Variants in TMEM132B observed in about 807,000 individuals in gnomAD.
TMEM132B encodes transmembrane protein 132B.
Under a neutral mutation model 90.8 loss-of-function variants are expected in TMEM132B, and 18 were observed. The observed-to-expected ratio is 0.20, with a 90% confidence interval of 0.14 to 0.29. The LOEUF is 0.29. Among genes scored for constraint, TMEM132B ranks in the 10% least tolerant of loss-of-function variants. The pLI is 1.00. For synonymous variants in TMEM132B, 504 were observed against 523.3 expected (o/e 0.96, Z 0.50); for missense variants, 1,096 against 1,326.8 (o/e 0.83, Z 2.70).
intron 2 of TMEM132B, among the ~76,000 whole-genome samples, chr12:125,384,698 T>C (rs1329554634): frequency 6.6e-6 from 1 of 152,224 alleles, no homozygotes; most frequent in Non-Finnish European, 1.5e-5. Context: ...TCGCTCAGGC[T>C]GGAGTGCGGC....
chr12:125,641,444 C>G (rs1293501664), intron 5 of TMEM132B, among the ~76,000 whole-genome samples: 1 of 152,106 alleles, frequency 6.6e-6, no homozygotes, highest in African/African-American at 2.4e-5. Context: ...TTAGATACCT[C>G]AAGTCTTAGT....
chr12:125,570,201 A>G (rs978569022), intron 4 of TMEM132B, among the ~76,000 whole-genome samples: 1 of 152,168 alleles, frequency 6.6e-6, no homozygotes, highest in Non-Finnish European at 1.5e-5. Context: ...TTGAGTTTCC[A>G]TTTCTTGTAG....
rs567224211 is a variant in TMEM132B, at chr12:125,408,380, C to T, written c.960-7151C>T. On this transcript the variant is annotated intron_variant, in intron 2 of 8. Transcript: ENST00000682704. This position sits in a 1 kb window ranked among gnomAD's most constrained non-coding sequence, Gnocchi z 5.9. ...GGCCTTTTGGGAGATTAGGTCATCT[C>T]CCTAAAGGAATGGGATTAATGCCCT... is the stretch of plus-strand genomic sequence containing the variant. Among the ~76,000 whole-genome samples, 5 of 152,208 alleles carry T rather than the reference C, an allele frequency of 3.3e-5. No individual in the cohort carries two copies. The East Asian group carries it at 9.7e-4, about 29-fold the overall frequency.
At chr12:125,630,078 A>C (rs1390060884) in intron 5 of TMEM132B, among the ~76,000 whole-genome samples, 1 of 152,100 alleles carries the variant, frequency 6.6e-6, no homozygotes, top group African/African-American at 2.4e-5. Context: ...AGTATGCACC[A>C]GAGGTATTGG....
At chr12:125,402,098 A>G (rs1879336698) in intron 2 of TMEM132B, among the ~76,000 whole-genome samples, 1 of 152,184 alleles carries the variant, frequency 6.6e-6, no homozygotes, top group Non-Finnish European at 1.5e-5. Flanking sequence ...GAGCTTCACG[A>G]TACTCGGCTA....
chr12:125,631,599 A>G (rs1886369767), intron 5 of TMEM132B, among the ~76,000 whole-genome samples: 1 of 152,130 alleles, frequency 6.6e-6, no homozygotes, highest in African/African-American at 2.4e-5. Context: ...TGAAGTGTCC[A>G]GCTATTATTG....
intron 5 of TMEM132B, among the ~76,000 whole-genome samples, chr12:125,615,426 T>G (rs765153786): frequency 6.6e-6 from 1 of 152,112 alleles, no homozygotes; most frequent in Non-Finnish European, 1.5e-5. Flanking sequence ...CTTTGTTCCT[T>G]GGATTGCATA....
intron 2 of TMEM132B, among the ~76,000 whole-genome samples, chr12:125,361,788 C>A (rs1877967103): frequency 6.6e-6 from 1 of 152,192 alleles, no homozygotes; most frequent in Admixed American, 6.5e-5. Context: ...TTTTCTCTCC[C>A]AATTGCATTG....
At chr12:125,642,400 A>G (rs563367374) in intron 5 of TMEM132B, among the ~76,000 whole-genome samples, 1 of 152,354 alleles carries the variant, frequency 6.6e-6, no homozygotes, top group East Asian at 1.9e-4. Context: ...TTTATAAAAT[A>G]AAGCAAAGAG....
intron 1 of TMEM132B, among the ~76,000 whole-genome samples, chr12:125,226,800 C>T (rs1212150479): frequency 2.0e-5 from 3 of 152,128 alleles, no homozygotes; most frequent in Admixed American, 2.0e-4. Flanking sequence ...TATGCCGGCA[C>T]TGGGGGGAAA....
chr12:125,296,648 C>T (rs978041357), intron 1 of TMEM132B, among the ~76,000 whole-genome samples: 5 of 152,218 alleles, frequency 3.3e-5, no homozygotes, highest in African/African-American at 9.6e-5. Context: ...GCTTCTCTGC[C>T]GTATCTCAAA....
At chr12:125,622,389 A>G in intron 5 of TMEM132B, 4 of 796,560 alleles carry the variant, frequency 5.0e-6, no homozygotes, top group Non-Finnish European at 6.1e-6. Flanking sequence ...AGTCTTTTAA[A>G]GTAAGAATCA....
chr12:125,241,923 G>A (rs77497684), intron 1 of TMEM132B, among the ~76,000 whole-genome samples: 139 of 152,248 alleles, frequency 9.1e-4, no homozygotes, highest in African/African-American at 3.3e-3. Flanking sequence ...AAATGAAATC[G>A]GACTAGAAGG....
At chr12:125,466,032 C>A (rs971686366) in intron 3 of TMEM132B, among the ~76,000 whole-genome samples, 7 of 152,196 alleles carry the variant, frequency 4.6e-5, no homozygotes, top group African/African-American at 1.7e-4. Context: ...ATAAATTACC[C>A]AGTCTCAGGT....
At chr12:125,287,709 A>G (rs1046848779) in intron 1 of TMEM132B, among the ~76,000 whole-genome samples, 2 of 152,224 alleles carry the variant, frequency 1.3e-5, no homozygotes, top group African/African-American at 4.8e-5. Flanking sequence ...TTACAGTTCT[A>G]GAGGATCGCT....
At chr12:125,303,378 C>T (rs570390639) in intron 1 of TMEM132B, among the ~76,000 whole-genome samples, 1 of 152,182 alleles carries the variant, frequency 6.6e-6, no homozygotes, top group Non-Finnish European at 1.5e-5. Flanking sequence ...TTTGTTTATT[C>T]TTTCATCTGT....
At chr12:125,583,140 A>T (rs771337755) in intron 4 of TMEM132B, among the ~76,000 whole-genome samples, 1 of 152,212 alleles carries the variant, frequency 6.6e-6, no homozygotes, top group South Asian at 2.1e-4. Context: ...CTGAGAGAAG[A>T]TGGCTTGAGT....
At chr12:125,417,927 A>T (rs7312847) in intron 3 of TMEM132B, among the ~76,000 whole-genome samples, 13,379 of 152,198 alleles carry the variant, frequency 0.088, 612 homozygotes, top group East Asian at 0.15. Context: ...ACCAGCGCTA[A>T]TGGAAGAGCT....
At chr12:125,446,278 G>T (rs988425532) in intron 3 of TMEM132B, among the ~76,000 whole-genome samples, 1 of 152,162 alleles carries the variant, frequency 6.6e-6, no homozygotes, top group Non-Finnish European at 1.5e-5. Flanking sequence ...AATAGTAGGT[G>T]CTCAATGAAT....
Sources: gnomAD v4.1 joint callset for allele counts (sites outside exome capture counted in the v4.1 genomes callset) on GRCh38, gnomAD v4.1.1 for gene constraint, Gnocchi (gnomAD v3.1) non-coding constraint, MANE v1.5 for transcripts, NCBI Gene and HGNC (gene_info 2026-07-23, HGNC 2026-07-21) for gene names.